Variants in AUTS2 observed in about 807,000 individuals in gnomAD.
AUTS2 encodes the protein activator of transcription and developmental regulator AUTS2.
A neutral mutation model predicts 112.4 loss-of-function variants in AUTS2; 17 were observed. That is an observed-to-expected ratio of 0.15 (90% CI 0.10 to 0.23). The LOEUF (loss-of-function observed/expected upper bound fraction) is 0.23, where lower values mean the gene tolerates loss of function less well. Ranked by LOEUF, AUTS2 falls within the 10% of genes least tolerant of loss-of-function variation. The probability of loss-of-function intolerance (pLI) is 1.00; values close to 1 mark genes in which losing one functional copy is unlikely to be tolerated. For missense variants in AUTS2, 1,510 were observed against 1,701.6 expected, an observed-to-expected ratio of 0.89 and a Z score of 1.98; for synonymous variants, 751 against 702.7, an observed-to-expected ratio of 1.07 and a Z score of -1.09.
chr7:70,689,645 G>A lies in AUTS2; in HGVS notation c.691-8924G>A, dbSNP rs368361127. Among the ~76,000 whole-genome samples the A allele has an allele frequency of 5.9e-5, 9 of 151,794 alleles. No individual in the cohort carries two copies. In the South Asian group the frequency reaches 1.7e-3, roughly 28 times the overall value. On this transcript the variant is annotated intron_variant, in intron 5 of 18. Transcript: ENST00000342771. Reference sequence around the variant, plus strand: ...CAAAAAATTAGCTGGGCATGGTGGCGGGTGCCTGTAGTCCCAGCTACTCGG... The same window carrying A: ...CAAAAAATTAGCTGGGCATGGTGGCAGGTGCCTGTAGTCCCAGCTACTCGG...
rs575789103 is a variant in AUTS2 at position 70,723,150 on chromosome 7, T to C, written c.742+24530T>C. Among the ~76,000 whole-genome samples the C allele has an allele frequency of 4.6e-5, 7 of 152,338 alleles. No homozygotes were observed. In the South Asian group the frequency reaches 1.4e-3, roughly 32 times the overall value. ...ATAATGCTCTCTTCCCTAATCATGT[T>C]AATCAGGAGATTTTCCTTTTGGAAC... On this transcript the variant is annotated intron_variant, in intron 6 of 18. Transcript: ENST00000342771.
intron 4 of AUTS2, among the ~76,000 whole-genome samples, chr7:70,389,966 A>T (rs1158715671): frequency 6.6e-6 from 1 of 152,200 alleles, no homozygotes; most frequent in African/African-American, 2.4e-5. Context: ...AGACACAGAC[A>T]TGCATATTTT....
chr7:69,974,549 A>G (rs542909388), intron 2 of AUTS2, among the ~76,000 whole-genome samples: 3 of 152,154 alleles, frequency 2.0e-5, no homozygotes, highest in East Asian at 1.9e-4. Flanking sequence ...TCTCTTTTCA[A>G]GACTGAAGGC....
At chr7:70,222,335 G>A (rs144811775) in intron 4 of AUTS2, among the ~76,000 whole-genome samples, 1 of 152,288 alleles carries the variant, frequency 6.6e-6, no homozygotes, top group Non-Finnish European at 1.5e-5. Flanking sequence ...GTGAGTGAAG[G>A]TGAAGCTGCT....
intron 2 of AUTS2, among the ~76,000 whole-genome samples, chr7:70,105,393 G>A (rs1804714885): frequency 6.6e-6 from 1 of 152,064 alleles, no homozygotes; most frequent in African/African-American, 2.4e-5. Flanking sequence ...CTGAGTAACT[G>A]GGACTACAGG....
intron 1 of AUTS2, among the ~76,000 whole-genome samples, chr7:69,660,687 C>T (rs1795747750): frequency 6.6e-6 from 1 of 152,286 alleles, no homozygotes; most frequent in East Asian, 1.9e-4. Flanking sequence ...AATCCCAGCA[C>T]TTTGGGAGGC....
At chr7:70,550,012 G>A (rs771952284) in intron 5 of AUTS2, among the ~76,000 whole-genome samples, 3 of 152,186 alleles carry the variant, frequency 2.0e-5, no homozygotes, top group Non-Finnish European at 4.4e-5. Flanking sequence ...TTAGAGAAGA[G>A]ACGAAGTAGG....
intron 2 of AUTS2, among the ~76,000 whole-genome samples, chr7:69,976,364 G>A (rs1285627277): frequency 1.3e-5 from 2 of 152,124 alleles, no homozygotes; most frequent in African/African-American, 4.8e-5. Flanking sequence ...ATATTCCATT[G>A]TATGAATATA....
intron 1 of AUTS2, among the ~76,000 whole-genome samples, chr7:69,811,566 C>G (rs1228531508): frequency 6.6e-6 from 1 of 152,156 alleles, no homozygotes; most frequent in Admixed American, 6.5e-5. Context: ...CCTCCAGACT[C>G]AAGGCCCTTC....
At chr7:70,324,247 C>T (rs948032873) in intron 4 of AUTS2, among the ~76,000 whole-genome samples, 19 of 152,116 alleles carry the variant, frequency 1.2e-4, no homozygotes, top group Non-Finnish European at 2.2e-4. Flanking sequence ...TGTGTTGGCT[C>T]TCAGCAGATG....
chr7:70,246,897 T>A (rs1038828579), intron 4 of AUTS2, among the ~76,000 whole-genome samples: 1 of 151,764 alleles, frequency 6.6e-6, no homozygotes, highest in Non-Finnish European at 1.5e-5. Flanking sequence ...TCTCTATATG[T>A]TTTTTTTATT....
At chr7:70,206,764 A>G (rs1036903703) in intron 4 of AUTS2, among the ~76,000 whole-genome samples, 6 of 152,188 alleles carry the variant, frequency 3.9e-5, no homozygotes, top group African/African-American at 1.4e-4. Context: ...TATCAGATTT[A>G]TGTACTGCTA....
At chr7:69,616,157 G>A (rs963911062) in intron 1 of AUTS2, among the ~76,000 whole-genome samples, 2 of 152,032 alleles carry the variant, frequency 1.3e-5, no homozygotes, top group Non-Finnish European at 2.9e-5. Flanking sequence ...TTCATGTCCT[G>A]TGCAGAATTC....
chr7:69,915,843 C>T (rs1233578951), intron 2 of AUTS2, among the ~76,000 whole-genome samples: 1 of 152,196 alleles, frequency 6.6e-6, no homozygotes, highest in Admixed American at 6.5e-5. Context: ...CCTTCCACCT[C>T]AGCCTCCTGA....
chr7:70,205,189 C>T (rs962629811), intron 4 of AUTS2, among the ~76,000 whole-genome samples: 1 of 152,116 alleles, frequency 6.6e-6, no homozygotes, highest in Non-Finnish European at 1.5e-5. Flanking sequence ...TTCAGGAATG[C>T]ACCATTTGTG....
At chr7:69,739,202 G>T (rs1422038373) in intron 1 of AUTS2, among the ~76,000 whole-genome samples, 1 of 152,100 alleles carries the variant, frequency 6.6e-6, no homozygotes, top group Non-Finnish European at 1.5e-5. Context: ...ATACCCTTCA[G>T]ATATTAAAAG....
intron 1 of AUTS2, among the ~76,000 whole-genome samples, chr7:69,619,766 G>A (rs754130850): frequency 3.9e-5 from 6 of 152,146 alleles, no homozygotes; most frequent in Non-Finnish European, 8.8e-5. Context: ...GATAAAAACA[G>A]TGAACTAAAC....
chr7:69,773,227 G>A (rs946448276), intron 1 of AUTS2, among the ~76,000 whole-genome samples: 5 of 152,118 alleles, frequency 3.3e-5, no homozygotes, highest in Non-Finnish European at 7.3e-5. Context: ...TTATTACAAG[G>A]ATTAAGTGAG....
chr7:70,305,172 T>C (rs1789435320), intron 4 of AUTS2, among the ~76,000 whole-genome samples: 2 of 152,202 alleles, frequency 1.3e-5, no homozygotes, highest in Non-Finnish European at 2.9e-5. Context: ...TTCATCATTA[T>C]TATGAATAAT....
Sources: allele counts gnomAD v4.1 joint callset (sites outside exome capture counted in the v4.1 genomes callset), GRCh38; gene constraint gnomAD v4.1.1; transcripts MANE v1.5; gene names NCBI Gene and HGNC (gene_info 2026-07-23, HGNC 2026-07-21).